STXBP6: variants seen among roughly 807,000 people sequenced by gnomAD.
STXBP6 encodes the protein syntaxin-binding protein 6.
In STXBP6, 21 loss-of-function variants were observed where a neutral mutation model predicts 26.9. The observed-to-expected ratio is 0.78, with a 90% confidence interval of 0.55 to 1.12. The LOEUF (loss-of-function observed/expected upper bound fraction) is 1.12, where lower values mean the gene tolerates loss of function less well. STXBP6 is among the 50% of genes most tolerant of loss of function. The pLI is 0.00. For synonymous variants in STXBP6, 97 were observed against 92.6 expected, an observed-to-expected ratio of 1.05 and a Z score of -0.27; for missense variants, 232 against 257.9, an observed-to-expected ratio of 0.90 and a Z score of 0.69.
At chr14:25,044,492 C>T (rs1481543886) in intron 1 of STXBP6, among the ~76,000 whole-genome samples, 1 of 152,144 alleles carries the variant, frequency 6.6e-6, no homozygotes, top group East Asian at 1.9e-4. Context: ...CTTCCATGCC[C>T]CCGTCCAGTT....
intron 2 of STXBP6, among the ~76,000 whole-genome samples, chr14:24,957,132 C>G (rs1321599432): frequency 6.6e-6 from 1 of 152,088 alleles, no homozygotes; most frequent in Non-Finnish European, 1.5e-5. Context: ...GAGTTGTCCC[C>G]ATTGTCTAGG....
chr14:24,936,940 C>T (rs562341854), intron 2 of STXBP6, among the ~76,000 whole-genome samples: 27 of 152,266 alleles, frequency 1.8e-4, no homozygotes, highest in African/African-American at 6.3e-4. Context: ...ACATATGCAC[C>T]ATGGAATACT....
chr14:25,026,283 A>G (rs1172879196), intron 1 of STXBP6, among the ~76,000 whole-genome samples: 5 of 152,180 alleles, frequency 3.3e-5, no homozygotes, highest in Non-Finnish European at 7.4e-5. Context: ...TGCCAAAAAG[A>G]GAATCTCAAG....
intron 1 of STXBP6, among the ~76,000 whole-genome samples, chr14:24,999,325 C>T (rs2074689154): frequency 6.6e-6 from 1 of 152,152 alleles, no homozygotes; most frequent in African/African-American, 2.4e-5. Flanking sequence ...TACAGAGGAA[C>T]ACGAGAGCAA....
chr14:24,988,248 TA>T (rs1445815060), intron 1 of STXBP6, among the ~76,000 whole-genome samples: 1 of 152,198 alleles, frequency 6.6e-6, no homozygotes, highest in East Asian at 1.9e-4. Context: ...AAAATCCATC[TA>T]GGGGCAGGAC....
chr14:24,858,052 T>C (rs1033143695), intron 2 of STXBP6, among the ~76,000 whole-genome samples: 3 of 152,278 alleles, frequency 2.0e-5, no homozygotes, highest in African/African-American at 7.2e-5. Flanking sequence ...GAAATCATTA[T>C]TGGCTATATT....
intron 4 of STXBP6, among the ~76,000 whole-genome samples, chr14:24,821,853 T>G (rs2068144429): frequency 6.6e-6 from 1 of 152,064 alleles, no homozygotes; most frequent in African/African-American, 2.4e-5. Context: ...TGTTGACCAT[T>G]CCCTAAATCT....
intron 2 of STXBP6, among the ~76,000 whole-genome samples, chr14:24,966,769 A>G (rs1190336316): frequency 2.0e-5 from 3 of 152,216 alleles, no homozygotes; most frequent in East Asian, 3.9e-4. Context: ...TGTCCCTGCC[A>G]GGAGTCTCTC....
chr14:24,986,767 G>A (rs1238602064), intron 1 of STXBP6, among the ~76,000 whole-genome samples: 3 of 152,174 alleles, frequency 2.0e-5, no homozygotes, highest in African/African-American at 7.2e-5. Flanking sequence ...TTGGGTAACT[G>A]GAGAGTCTTT....
chr14:24,985,163 G>T (rs1027006005), intron 1 of STXBP6, among the ~76,000 whole-genome samples: 2 of 152,198 alleles, frequency 1.3e-5, no homozygotes, highest in Non-Finnish European at 2.9e-5. Context: ...TGGCAAAGGA[G>T]TTGCACAGCC....
chr14:24,962,077 CCTT>C (rs780367563), intron 2 of STXBP6, among the ~76,000 whole-genome samples: 21 of 152,190 alleles, frequency 1.4e-4, no homozygotes, highest in Admixed American at 3.3e-4. Context: ...AGGTAAGACA[CCTT>C]CTTCTCCTCT....
chr14:24,815,845 C>T (rs1042241798), intron 5 of STXBP6: 17 of 152,036 alleles, frequency 1.1e-4, no homozygotes, highest in African/African-American at 4.1e-4. Flanking sequence ...TGCATGAAGC[C>T]CGGAGCTCAA....
intron 1 of STXBP6, among the ~76,000 whole-genome samples, chr14:24,980,794 T>A (rs1229477392): frequency 2.0e-5 from 3 of 151,890 alleles, no homozygotes; most frequent in African/African-American, 7.3e-5. Flanking sequence ...ACATGAAAAA[T>A]AATGGGGATA....
intron 2 of STXBP6, among the ~76,000 whole-genome samples, chr14:24,959,055 TC>T (rs1239732454): frequency 2.0e-5 from 3 of 152,182 alleles, no homozygotes; most frequent in African/African-American, 7.2e-5. Flanking sequence ...TGGGTGATAG[TC>T]GTTGATCAAT....
chr14:24,903,912 G>A (rs1443906159), intron 2 of STXBP6, among the ~76,000 whole-genome samples: 1 of 152,166 alleles, frequency 6.6e-6, no homozygotes, highest in Non-Finnish European at 1.5e-5. Flanking sequence ...GTATACACTA[G>A]TTTTATCTTT....
Position 25,049,764 on chromosome 14 carries a change from A to G in STXBP6, c.-33+114T>C. ...AGCCTGCCTACTCCCCTGGCCTCAC[A>G]GCCACCCGCCTCGGACGGAGCGCCA... On this transcript the variant is annotated intron_variant, in intron 1 of 5. Coordinates refer to ENST00000323944, the MANE Select transcript of STXBP6 (RefSeq NM_001394410.1). The surrounding 1 kb of genome is among the most constrained non-coding windows in gnomAD (Gnocchi z 5.6). 1 of 985,422 alleles carries G rather than the reference A, an allele frequency of 1.0e-6. No individual in the cohort carries two copies. The highest frequency in any genetic ancestry group is 1.2e-6 in the Non-Finnish European group (1 of 830,004). 61.0% of individuals were successfully genotyped at this position (985,422 alleles called of 1,614,324 possible). A position where few individuals can be genotyped will look rare whatever the true frequency, so the allele number is the denominator to read the frequency against.
intron 1 of STXBP6, among the ~76,000 whole-genome samples, chr14:24,976,880 T>TTTTTTTTTTTTTG (rs2074060892): frequency 7.3e-6 from 1 of 136,084 alleles, no homozygotes; most frequent in South Asian, 2.5e-4. Flanking sequence ...TTTTTTTTTT[T>TTTTTTTTTTTTTG]GAGGCAGAGT....
At position 24,811,627 on chromosome 14, in the gene STXBP6, C is replaced by T. The variant is rs2067826676; in HGVS notation, c.*1082G>A. On this transcript the variant is annotated 3_prime_UTR_variant, in exon 6 of 6. Transcript: ENST00000323944. Reference sequence around the variant, plus strand: ...ATCAGACCAGGCAAGGTGCAATTGCCATGAAATGCAATTTGTCAAGAAACT... The same window carrying T: ...ATCAGACCAGGCAAGGTGCAATTGCTATGAAATGCAATTTGTCAAGAAACT... 1 of 151,998 alleles carries T rather than the reference C, an allele frequency of 6.6e-6. No individual in the cohort carries two copies. The highest frequency in any genetic ancestry group is 1.5e-5 in the Non-Finnish European group (1 of 68,004). The allele number at this position is 151,998 out of a possible 1,614,324, so 9.4% of individuals were successfully genotyped here.
chr14:25,015,527 T>C (rs1450706932), intron 1 of STXBP6, among the ~76,000 whole-genome samples: 1 of 151,986 alleles, frequency 6.6e-6, no homozygotes, highest in African/African-American at 2.4e-5. Flanking sequence ...GGATTTATTA[T>C]TTTTTAGAAA....
Sources: gnomAD v4.1 joint callset for allele counts (sites outside exome capture counted in the v4.1 genomes callset) on GRCh38, gnomAD v4.1.1 for gene constraint, Gnocchi (gnomAD v3.1) non-coding constraint, MANE v1.5 for transcripts, NCBI Gene and HGNC (gene_info 2026-07-23, HGNC 2026-07-21) for gene names.